The following DCC variants were observed in gnomAD, a reference collection of about 807,000 sequenced individuals.
DCC encodes netrin receptor DCC.
A neutral mutation model predicts 172.5 loss-of-function variants in DCC; 58 were observed. The observed-to-expected ratio is 0.34, with a 90% CI of 0.27 to 0.42. The LOEUF (loss-of-function observed/expected upper bound fraction) is 0.42, where lower values mean the gene tolerates loss of function less well. Among genes scored for constraint, DCC ranks in the 10% least tolerant of loss-of-function variants. The pLI is 1.00. For synonymous variants in DCC, 709 were observed against 644.5 expected (o/e 1.10, Z -1.52); for missense variants, 1,740 against 1,791.0 (o/e 0.97, Z 0.51).
At chr18:53,493,376 TGAGA>T (rs1406851645) in intron 26 of DCC, among the ~76,000 whole-genome samples, 1 of 151,978 alleles carries the variant, frequency 6.6e-6, no homozygotes, top group Non-Finnish European at 1.5e-5. Context: ...ATAGGAGTAG[TGAGA>T]GAGAGGGCAT....
chr18:52,444,149 G>T (rs1164779869), intron 1 of DCC, among the ~76,000 whole-genome samples: 1 of 152,142 alleles, frequency 6.6e-6, no homozygotes. Context: ...TGTGGAATGG[G>T]GCTACCTGAA....
chr18:52,976,699 A>G (rs932252217), intron 5 of DCC, among the ~76,000 whole-genome samples: 1 of 152,238 alleles, frequency 6.6e-6, no homozygotes, highest in African/African-American at 2.4e-5. Context: ...TTGTAAAATA[A>G]AACATTAGCC....
At chr18:53,177,005 A>T (rs1457296779) in intron 8 of DCC, among the ~76,000 whole-genome samples, 1 of 152,114 alleles carries the variant, frequency 6.6e-6, no homozygotes, top group African/African-American at 2.4e-5. Flanking sequence ...GGCCATAAAA[A>T]ATGATGAGTT....
intron 1 of DCC, among the ~76,000 whole-genome samples, chr18:52,458,411 G>C (rs1332673683): frequency 6.6e-6 from 1 of 152,084 alleles, no homozygotes. Context: ...ACTCTATGTC[G>C]TTCAATCTTA....
chr18:52,901,607 A>G (rs1159795989), intron 2 of DCC, among the ~76,000 whole-genome samples: 1 of 152,132 alleles, frequency 6.6e-6, no homozygotes, highest in Non-Finnish European at 1.5e-5. Context: ...TGATAAAACA[A>G]TCCGTTCCCA....
chr18:52,689,995 A>G (rs1414468510), intron 1 of DCC, among the ~76,000 whole-genome samples: 1 of 152,174 alleles, frequency 6.6e-6, no homozygotes, highest in Admixed American at 6.6e-5. Context: ...TGTATTAAAG[A>G]TAAATGTGAC....
intron 15 of DCC, among the ~76,000 whole-genome samples, chr18:53,358,862 A>G (rs1386445120): frequency 6.6e-6 from 1 of 152,148 alleles, no homozygotes; most frequent in African/African-American, 2.4e-5. Context: ...CCAAAGACCT[A>G]TGTAATAAAT....
chr18:52,690,559 GT>G (rs1319720431), intron 1 of DCC, among the ~76,000 whole-genome samples: 3 of 152,012 alleles, frequency 2.0e-5, no homozygotes, highest in African/African-American at 7.2e-5. Flanking sequence ...TTACTTCATG[GT>G]TTTAACAGTA....
chr18:53,140,219 G>T (rs1243861095), intron 7 of DCC, among the ~76,000 whole-genome samples: 1 of 151,972 alleles, frequency 6.6e-6, no homozygotes, highest in Admixed American at 6.6e-5. Context: ...TTCAGTCTTG[G>T]TGAAACAGAT....
intron 1 of DCC, among the ~76,000 whole-genome samples, chr18:52,437,815 G>T (rs566678014): frequency 2.0e-5 from 3 of 152,170 alleles, no homozygotes; most frequent in African/African-American, 7.2e-5. Context: ...TATTCAAGAA[G>T]AGTTAAAATT....
chr18:52,778,214 TAGAG>T (rs1292667941), intron 2 of DCC, among the ~76,000 whole-genome samples: 2 of 152,212 alleles, frequency 1.3e-5, no homozygotes, highest in African/African-American at 2.4e-5. Context: ...AAGTTTTCGA[TAGAG>T]AGTGAAACTA....
At chr18:53,059,943 G>C (rs1190489302) in intron 5 of DCC, among the ~76,000 whole-genome samples, 1 of 151,992 alleles carries the variant, frequency 6.6e-6, no homozygotes, top group Non-Finnish European at 1.5e-5. Context: ...TTATGATATA[G>C]TCCACTGATG....
chr18:53,258,100 G>C (rs1598955080), intron 12 of DCC, among the ~76,000 whole-genome samples: 1 of 151,780 alleles, frequency 6.6e-6, no homozygotes. Context: ...ATTCTTCTCT[G>C]TTTTCTTCTT....
chr18:53,335,434 C>G (rs1443428814), intron 14 of DCC, among the ~76,000 whole-genome samples: 1 of 152,112 alleles, frequency 6.6e-6, no homozygotes, highest in African/African-American at 2.4e-5. Context: ...TGAAATGTCA[C>G]AGGGATTAAT....
intron 1 of DCC, among the ~76,000 whole-genome samples, chr18:52,409,915 C>T (rs1029503359): frequency 1.2e-4 from 18 of 152,076 alleles, no homozygotes; most frequent in African/African-American, 3.6e-4. Context: ...GAATCTAAGA[C>T]GTGTCACTGT....
chr18:52,432,666 G>A (rs79532360), intron 1 of DCC, among the ~76,000 whole-genome samples: 12 of 152,142 alleles, frequency 7.9e-5, no homozygotes, highest in East Asian at 1.9e-4. Context: ...AATTGGCTGC[G>A]GATAAATACA....
chr18:53,091,270 G>A (rs1322424943), intron 7 of DCC, among the ~76,000 whole-genome samples: 1 of 150,198 alleles, frequency 6.7e-6, no homozygotes, highest in African/African-American at 2.5e-5. Flanking sequence ...CTGGGCGAAT[G>A]ATAAACATCA....
chr18:52,993,965 T>C (rs1237923007), intron 5 of DCC, among the ~76,000 whole-genome samples: 6 of 152,228 alleles, frequency 3.9e-5, no homozygotes, highest in Non-Finnish European at 7.4e-5. Flanking sequence ...TGATCAGGCA[T>C]TGCACCATGA....
At chr18:53,268,691 G>A (rs2056711419) in intron 12 of DCC, among the ~76,000 whole-genome samples, 1 of 152,110 alleles carries the variant, frequency 6.6e-6, no homozygotes, top group South Asian at 2.1e-4. Context: ...TGTTTTTATG[G>A]AGGAATCGTG....
Sources: gnomAD v4.1 joint callset for allele counts (sites outside exome capture counted in the v4.1 genomes callset) on GRCh38, gnomAD v4.1.1 for gene constraint, MANE v1.5 for transcripts, NCBI Gene and HGNC (gene_info 2026-07-23, HGNC 2026-07-21) for gene names.